HKDC1: variants seen among roughly 807,000 people sequenced by gnomAD.
The protein encoded by HKDC1 is hexokinase HKDC1.
Under a neutral mutation model 96.6 loss-of-function variants are expected in HKDC1, and 66 were observed. That is an observed-to-expected ratio of 0.68 (90% CI 0.56 to 0.84). HKDC1 has a LOEUF of 0.84. Ranked by LOEUF, HKDC1 falls within the 40% of genes least tolerant of loss-of-function variation. HKDC1 has a pLI of 0.00. For synonymous variants in HKDC1, 466 were observed against 473.1 expected, an observed-to-expected ratio of 0.98 and a Z score of 0.20; for missense variants, 1,211 against 1,208.1, an observed-to-expected ratio of 1.00 and a Z score of -0.04.
At chr10:69,247,908 A>T (rs1422671157) in intron 9 of HKDC1, among the ~76,000 whole-genome samples, 1 of 152,086 alleles carries the variant, frequency 6.6e-6, no homozygotes, top group East Asian at 1.9e-4. Context: ...TCTAGCCATT[A>T]TTTACTGAAC....
At chr10:69,250,240 C>A (rs776605536) in intron 10 of HKDC1, 50 bp from the exon 11 acceptor site, 21 of 1,581,066 alleles carry the variant, frequency 1.3e-5, no homozygotes, top group Admixed American at 5.1e-5. Context: ...TCCCAATGCC[C>A]CGACACAAGT....
chr10:69,243,568 C>A (rs560483752), intron 7 of HKDC1, among the ~76,000 whole-genome samples: 11 of 147,926 alleles, frequency 7.4e-5, no homozygotes, highest in Non-Finnish European at 1.5e-4. Flanking sequence ...ACGATCTTGG[C>A]TCGCTGCAAC....
At chr10:69,263,578 G>T (rs1439439921) in intron 16 of HKDC1, among the ~76,000 whole-genome samples, 1 of 152,204 alleles carries the variant, frequency 6.6e-6, no homozygotes, top group Non-Finnish European at 1.5e-5. Flanking sequence ...TGAGTTTTAA[G>T]ATTTATCTCC....
Position 69,227,311 on chromosome 10 carries a change from C to G in HKDC1, c.168C>G (p.Asn56Lys), listed in dbSNP as rs1843176030. The change falls in exon 2 of 18, where the codon AAC becomes AAG. Residue 56 changes from asparagine (N) to lysine (K), a missense_variant. Physicochemically the swap from Asn to Lys is moderately conservative, Grantham distance 94. Coordinates refer to ENST00000354624, the MANE Select transcript of HKDC1 (RefSeq NM_025130.4). ...AGAAGGGCCTGGCAAAGGACACCAA[C>G]CCCACGGCTGCAGTGAAGATGTTGC... ...EMEKGLAKDT[N>K]PTAAVKMLPT... The G allele has an allele frequency of 6.2e-7, 1 of 1,614,068 alleles. No homozygotes were observed. Among genetic ancestry groups the G allele is most frequent in the African/African-American group, 1.3e-5 (1 of 74,908 alleles).
At chr10:69,236,102 G>T (rs1014274983) in intron 4 of HKDC1, among the ~76,000 whole-genome samples, 1 of 149,844 alleles carries the variant, frequency 6.7e-6, no homozygotes, top group Non-Finnish European at 1.5e-5. Flanking sequence ...ATGGCAGCAG[G>T]TGCCTGAAAG....
At chr10:69,240,964 G>A (rs1350667184) in intron 6 of HKDC1, among the ~76,000 whole-genome samples, 2 of 152,224 alleles carry the variant, frequency 1.3e-5, no homozygotes, top group East Asian at 1.9e-4. Flanking sequence ...ACTGGGTTTG[G>A]AGTGGGGAGT....
intron 16 of HKDC1, among the ~76,000 whole-genome samples, chr10:69,263,381 G>C (rs1843839843): frequency 1.3e-5 from 2 of 152,096 alleles, no homozygotes; most frequent in South Asian, 4.1e-4. Flanking sequence ...TTACAGGCAT[G>C]AGCCACCGCG....
chr10:69,236,195 G>A (rs1037046245), intron 4 of HKDC1, among the ~76,000 whole-genome samples: 2 of 146,016 alleles, frequency 1.4e-5, no homozygotes, highest in Non-Finnish European at 3.0e-5. Flanking sequence ...CACAATCTCC[G>A]TCTCCCAGGT....
intron 12 of HKDC1, among the ~76,000 whole-genome samples, chr10:69,251,392 G>A (rs923811189): frequency 3.3e-5 from 5 of 151,952 alleles, no homozygotes; most frequent in East Asian, 1.9e-4. Context: ...CACCACACCC[G>A]GCCTACTTTA....
chr10:69,238,923 G>T, intron 4 of HKDC1, 119 bp from the exon 5 acceptor site: 2 of 596,202 alleles, frequency 3.4e-6, no homozygotes, highest in Non-Finnish European at 6.0e-6. Context: ...AAAAATTGGG[G>T]TGATTCAGCT....
chr10:69,221,820 C>T (rs1435108535), intron 1 of HKDC1, among the ~76,000 whole-genome samples: 1 of 151,758 alleles, frequency 6.6e-6, no homozygotes, highest in Non-Finnish European at 1.5e-5. Flanking sequence ...ACAGTCCCAA[C>T]TACTCGGGAG....
intron 4 of HKDC1, among the ~76,000 whole-genome samples, chr10:69,237,802 G>A (rs1843386639): frequency 1.5e-5 from 2 of 134,864 alleles, no homozygotes; most frequent in Admixed American, 1.5e-4. Context: ...GGCTGGTCCA[G>A]AGTCAGAGAC....
intron 12 of HKDC1, among the ~76,000 whole-genome samples, chr10:69,251,378 G>A (rs544841155): frequency 6.6e-6 from 1 of 152,196 alleles, no homozygotes; most frequent in African/African-American, 2.4e-5. Flanking sequence ...TTACAGGTGT[G>A]AGCCACCACA....
At position 69,226,299 on chromosome 10, in the gene HKDC1, G is replaced by A. The variant is rs1387065164; in HGVS notation, c.64-908G>A. Among the ~76,000 whole-genome samples the A allele has an allele frequency of 3.9e-5, 6 of 152,134 alleles. No homozygotes were observed. In the East Asian group the frequency reaches 5.8e-4, roughly 15 times the overall value. ...CCACTCATTTTCAATAGCAATCTGAGCTGACTTTAAAAATTCAGCTTTGTC... is the reference window on the plus strand; with the variant it reads ...CCACTCATTTTCAATAGCAATCTGAACTGACTTTAAAAATTCAGCTTTGTC... On this transcript the variant is annotated intron_variant, in intron 1 of 17. Transcript: ENST00000354624.
At chr10:69,222,889 C>T (rs1330393880) in intron 1 of HKDC1, 1 of 152,240 alleles carries the variant, frequency 6.6e-6, no homozygotes, top group Non-Finnish European at 1.5e-5. Context: ...GGTCAAAAGG[C>T]ACAGCTCGTT....
At chr10:69,258,996 G>C in intron 15 of HKDC1, 37 bp downstream of exon 15, 1 of 1,466,216 alleles carries the variant, frequency 6.8e-7, no homozygotes, top group Non-Finnish European at 9.1e-7. Context: ...TGTGGGTTGT[G>C]TAGTGAACAA....
At chr10:69,239,229 T>A in intron 5 of HKDC1, 92 bp downstream of exon 5, 1 of 828,648 alleles carries the variant, frequency 1.2e-6, no homozygotes, top group Non-Finnish European at 2.0e-6. Context: ...GGGGGTCACA[T>A]ATGGTGCCTG....
Position 69,267,247 on chromosome 10 carries a change from T to C in HKDC1, c.*490T>C, listed in dbSNP as rs1589419207. 2 of 318,224 alleles carry C rather than the reference T, an allele frequency of 6.3e-6. No homozygotes were observed. The highest frequency in any genetic ancestry group is 1.7e-4 in the East Asian group (2 of 11,496). The allele number at this position is 318,224 out of a possible 1,614,324, so 19.7% of individuals were successfully genotyped here. A position where few individuals can be genotyped will look rare whatever the true frequency, so the allele number is the denominator to read the frequency against. ...AGGGGGATCTCATCTAACTTGTCCTTAACTTGCCATGTTGACTTCAAACCT... is the reference window on the plus strand; with the variant it reads ...AGGGGGATCTCATCTAACTTGTCCTCAACTTGCCATGTTGACTTCAAACCT... On this transcript the variant is annotated 3_prime_UTR_variant, in exon 18 of 18. Transcript: ENST00000354624.
chr10:69,224,562 C>T (rs10823319), intron 1 of HKDC1, among the ~76,000 whole-genome samples: 14,146 of 152,218 alleles, frequency 0.093, 724 homozygotes, highest in South Asian at 0.14. Flanking sequence ...GGATTACAGG[C>T]GTGAGCCACT....
Sources: gnomAD v4.1 joint callset for allele counts (sites outside exome capture counted in the v4.1 genomes callset) on GRCh38, gnomAD v4.1.1 for gene constraint, MANE v1.5 for transcripts, NCBI Gene and HGNC (gene_info 2026-07-23, HGNC 2026-07-21) for gene names.